The following EDIL3 variants were observed in gnomAD, a reference collection of about 807,000 sequenced individuals.
EDIL3 encodes the protein EGF-like repeat and discoidin I-like domain-containing protein 3.
Under a neutral mutation model 67.4 loss-of-function variants are expected in EDIL3, and 37 were observed. The ratio of observed to expected loss-of-function variants is 0.55; its 90% CI spans 0.42 to 0.72. EDIL3 has a LOEUF of 0.72. Ranked by LOEUF, EDIL3 falls within the 30% of genes least tolerant of loss-of-function variation. The pLI is 0.00. For missense variants in EDIL3, 527 were observed against 586.3 expected (o/e 0.90, Z 1.04); for synonymous variants, 195 against 196.3 (o/e 0.99, Z 0.05).
chr5:83,995,222 A>G (rs1192546651), intron 9 of EDIL3, among the ~76,000 whole-genome samples: 2 of 151,984 alleles, frequency 1.3e-5, no homozygotes, highest in Non-Finnish European at 2.9e-5. Context: ...TTAGAAATCT[A>G]TGATACCCTA....
At chr5:84,207,836 C>T (rs1414549133) in intron 3 of EDIL3, among the ~76,000 whole-genome samples, 1 of 151,272 alleles carries the variant, frequency 6.6e-6, no homozygotes, top group Non-Finnish European at 1.5e-5. Context: ...GGAAAACTGG[C>T]TAGCCATATG....
At position 84,027,447 on chromosome 5, in the gene EDIL3, G is replaced by C. The variant is rs74324724; in HGVS notation, c.1137+32853C>G. On this transcript the variant is annotated intron_variant, in intron 9 of 10. Transcript: ENST00000296591. ...AAGCTTGGTCCTATCTGTGTTTCTA[G>C]ATAGTTTTCATGTACTAGTTGGCAT... 1.4e-3 allele frequency among the ~76,000 whole-genome samples: 210 copies of C among 152,278 alleles called. 6 individuals are homozygous for C. In the East Asian group the frequency reaches 0.034, roughly 25 times the overall value.
At chr5:84,232,827 T>G (rs1400326700) in intron 2 of EDIL3, among the ~76,000 whole-genome samples, 2 of 152,158 alleles carry the variant, frequency 1.3e-5, no homozygotes, top group Non-Finnish European at 2.9e-5. Flanking sequence ...GGCTAACTGC[T>G]TTACTGAACA....
rs145829935 is a variant in EDIL3 at position 84,024,397 on chromosome 5, TAATA to T, written c.1137+35899_1137+35902del. Among the ~76,000 whole-genome samples, 889 of 152,292 alleles carry T rather than the reference TAATA, an allele frequency of 5.8e-3. 11 individuals carry two copies. Among genetic ancestry groups the T allele is most frequent in the African/African-American group, 0.021 (855 of 41,568 alleles). On this transcript the variant is annotated intron_variant, in intron 9 of 10. Coordinates refer to ENST00000296591, the MANE Select transcript of EDIL3 (RefSeq NM_005711.5). ...TCATTTGCTCTTTCCTTCTGTCTAG[TAATA>T]CATCAAGTTTTCAATCATTTATTAA...
intron 8 of EDIL3, among the ~76,000 whole-genome samples, chr5:84,060,956 CTCTACTGCTGTATTCT>C (rs1746532375): frequency 1.3e-5 from 2 of 152,118 alleles, no homozygotes; most frequent in South Asian, 4.1e-4. Flanking sequence ...TCACAAGCTG[CTCTACTGCTGTATTCT>C]AAACCGGACA....
chr5:83,961,239 T>C lies in EDIL3; in HGVS notation c.1293+1966A>G, dbSNP rs181859670. On this transcript the variant is annotated intron_variant, in intron 10 of 10. Transcript: ENST00000296591. The stretch of plus-strand genomic sequence containing the variant: ...AAAATACATCAAGCAAACACTGATA[T>C]AATGGCAAGAAGAGACAAATCCATA... 3.4e-3 allele frequency among the ~76,000 whole-genome samples: 518 copies of C among 151,176 alleles called. 3 individuals are homozygous for C. The highest frequency in any genetic ancestry group is 0.012 in the African/African-American group (499 of 41,454).
At chr5:84,254,238 TG>T (rs1561236332) in intron 1 of EDIL3, 26 bp from the exon 2 acceptor site, 5 of 1,591,262 alleles carry the variant, frequency 3.1e-6, no homozygotes, top group Non-Finnish European at 3.4e-6. Flanking sequence ...AAACCGAAAT[TG>T]ACATTTTTTT....
At chr5:84,101,017 C>A (rs1178275978) in intron 6 of EDIL3, among the ~76,000 whole-genome samples, 1 of 151,944 alleles carries the variant, frequency 6.6e-6, no homozygotes. Context: ...ACCTACAACA[C>A]CAATAGTTTT....
chr5:84,136,449 TC>T (rs1215441309), intron 5 of EDIL3, among the ~76,000 whole-genome samples: 1 of 152,138 alleles, frequency 6.6e-6, no homozygotes, highest in Non-Finnish European at 1.5e-5. Context: ...TTGACTTTAG[TC>T]CTGTTACTAC....
chr5:83,995,433 G>C (rs1242525851), intron 9 of EDIL3, among the ~76,000 whole-genome samples: 1 of 152,134 alleles, frequency 6.6e-6, no homozygotes, highest in East Asian at 1.9e-4. Flanking sequence ...TATTGAAGAA[G>C]TGATCTCTGT....
chr5:83,944,480 T>C (rs376485451), intron 10 of EDIL3, among the ~76,000 whole-genome samples: 1 of 148,538 alleles, frequency 6.7e-6, no homozygotes, highest in African/African-American at 2.5e-5. Flanking sequence ...CTTGGACAAA[T>C]GTCTGCTTCA....
intron 6 of EDIL3, among the ~76,000 whole-genome samples, chr5:84,086,787 T>C (rs1747080051): frequency 6.6e-6 from 1 of 152,124 alleles, no homozygotes; most frequent in African/African-American, 2.4e-5. Flanking sequence ...AGAAAGAGGC[T>C]TCTTATTTGG....
At chr5:84,121,513 T>A (rs1373868684) in intron 5 of EDIL3, among the ~76,000 whole-genome samples, 1 of 150,272 alleles carries the variant, frequency 6.7e-6, no homozygotes, top group African/African-American at 2.4e-5. Context: ...TTCCCCATTA[T>A]CTGACCAGTT....
At chr5:84,180,339 T>A in intron 4 of EDIL3, 54 bp downstream of exon 4, 1 of 1,515,600 alleles carries the variant, frequency 6.6e-7, no homozygotes, top group Non-Finnish European at 8.9e-7. Flanking sequence ...TGATGATGGC[T>A]TGTATACTTT....
chr5:84,273,384 C>T (rs895185191), intron 1 of EDIL3, among the ~76,000 whole-genome samples: 1 of 152,100 alleles, frequency 6.6e-6, no homozygotes, highest in African/African-American at 2.4e-5. Context: ...CATAATGAAC[C>T]CTGTCAGACT....
chr5:84,256,539 G>A (rs1246843896), intron 1 of EDIL3, among the ~76,000 whole-genome samples: 2 of 152,092 alleles, frequency 1.3e-5, no homozygotes, highest in Non-Finnish European at 2.9e-5. Context: ...GGAACTTCAG[G>A]TAGGCCACTG....
At position 84,210,332 on chromosome 5, in the gene EDIL3, C is replaced by T. The variant is rs1744092641; in HGVS notation, c.226+19523G>A. Among the ~76,000 whole-genome samples the T allele has an allele frequency of 2.0e-5, 3 of 151,978 alleles. No individual in the cohort carries two copies. The South Asian group carries it at 6.2e-4, about 31-fold the overall frequency. On this transcript the variant is annotated intron_variant, in intron 3 of 10. Coordinates refer to ENST00000296591, the MANE Select transcript of EDIL3 (RefSeq NM_005711.5). ...TGATGTGTTACTCTAACTAAACTGA[C>T]TGGATAAAATATGTGTATTTTAGTT...
At chr5:84,238,218 G>A (rs1744716224) in intron 2 of EDIL3, among the ~76,000 whole-genome samples, 1 of 151,940 alleles carries the variant, frequency 6.6e-6, no homozygotes, top group Non-Finnish European at 1.5e-5. Flanking sequence ...TTTCAAACAT[G>A]ACTTTTTACC....
intron 3 of EDIL3, among the ~76,000 whole-genome samples, chr5:84,191,887 A>G (rs1263435268): frequency 1.3e-5 from 2 of 152,044 alleles, no homozygotes; most frequent in East Asian, 1.9e-4. Flanking sequence ...CATTATGTGT[A>G]TATCAATTTA....
Sources: gnomAD v4.1 joint callset for allele counts (sites outside exome capture counted in the v4.1 genomes callset) on GRCh38, gnomAD v4.1.1 for gene constraint, MANE v1.5 for transcripts, NCBI Gene and HGNC (gene_info 2026-07-23, HGNC 2026-07-21) for gene names.